The following ZNF44 variants were observed in gnomAD, a reference collection of about 807,000 sequenced individuals.
ZNF44 encodes gonadotropin inducible transcription repressor-2.
In ZNF44, 9 loss-of-function variants were observed where a neutral mutation model predicts 11.7. That is an observed-to-expected ratio of 0.77 (90% CI 0.46 to 1.35). ZNF44 has a LOEUF of 1.35. ZNF44 is among the 40% of genes most tolerant of loss of function. The pLI is 0.00. For synonymous variants in ZNF44, 224 were observed against 242.7 expected (o/e 0.92, Z 0.72); for missense variants, 696 against 743.1 (o/e 0.94, Z 0.74).
chr19:12,275,228 A>G (rs1464321201), intron 2 of ZNF44, among the ~76,000 whole-genome samples, 195 bp from the exon 3 acceptor site: 3 of 152,196 alleles, frequency 2.0e-5, no homozygotes, highest in East Asian at 3.8e-4. Flanking sequence ...TGAGACAGCA[A>G]TATCAACCCC....
chr19:12,276,023 C>T lies in ZNF44; in HGVS notation c.63G>A (p.Leu21=). 6.2e-7 allele frequency: 1 copy of T among 1,609,846 alleles called. No individual in the cohort carries two copies. The highest frequency in any genetic ancestry group is 8.5e-7 in the Non-Finnish European group (1 of 1,177,098). The change falls in exon 2 of 4, where the codon CTG becomes CTA. Residue 21 remains leucine (L), a synonymous_variant. Transcript: ENST00000355684. ...VNFTHEEWAL[L]GPSQKNLYRD... is the part of the protein sequence containing the mutation. ...TGTAGAGATTCTTCTGTGATGGACC[C>T]AGCAAAGCCCACTCCTCATGGGTGA...
At chr19:12,283,739 G>A (rs73004277) in intron 1 of ZNF44, among the ~76,000 whole-genome samples, 4 of 152,082 alleles carry the variant, frequency 2.6e-5, no homozygotes, top group African/African-American at 9.7e-5. Flanking sequence ...GAAGAAGCAG[G>A]CATAGTGACT....
chr19:12,293,247 G>A lies in ZNF44; in HGVS notation c.3+1445C>T, dbSNP rs1329252512. Reference sequence around the variant, plus strand: ...GTGCATCCACCTGATCCTTTGGGAGGCCCCACTCCAACACCTCAGGCTGTC... The same window carrying A: ...GTGCATCCACCTGATCCTTTGGGAGACCCCACTCCAACACCTCAGGCTGTC... On this transcript the variant is annotated intron_variant, in intron 1 of 3. Coordinates refer to ENST00000355684, the MANE Select transcript of ZNF44 (RefSeq NM_016264.4). The A allele has an allele frequency of 2.6e-6, 4 of 1,536,662 alleles. No individual in the cohort carries two copies. In the East Asian group the frequency reaches 7.3e-5, roughly 28 times the overall value.
chr19:12,257,514 G>A (rs965844735), intron 5 of ZNF44, among the ~76,000 whole-genome samples: 3 of 151,900 alleles, frequency 2.0e-5, no homozygotes, highest in African/African-American at 7.3e-5. Context: ...TTGGCCAGGC[G>A]TGGTGGCTCG....
downstream of ZNF44, among the ~76,000 whole-genome samples, chr19:12,267,388 G>GAATA (rs1229966965): frequency 2.0e-5 from 3 of 152,128 alleles, no homozygotes; most frequent in Non-Finnish European, 4.4e-5. Flanking sequence ...ACCAACAAGG[G>GAATA]AATACAGTTA....
chr19:12,271,606 G>A (rs1356664564), downstream of ZNF44, among the ~76,000 whole-genome samples: 2 of 152,330 alleles, frequency 1.3e-5, no homozygotes, highest in East Asian at 3.9e-4. Context: ...GGGTTATCAA[G>A]AGAGAAGAAC....
At chr19:12,232,199 C>A (rs1312699788) in intron 2 of ZNF44, among the ~76,000 whole-genome samples, 2 of 152,244 alleles carry the variant, frequency 1.3e-5, no homozygotes, top group Non-Finnish European at 2.9e-5. Flanking sequence ...GCATGTCCCA[C>A]CTCCAGCCTT....
chr19:12,252,166 C>T lies in ZNF44; in HGVS notation c.1913-1798G>A, dbSNP rs904521431. 3.9e-5 allele frequency among the ~76,000 whole-genome samples: 6 copies of T among 152,126 alleles called. No homozygotes were observed. In the East Asian group the frequency reaches 1.2e-3, roughly 29 times the overall value. On this transcript the variant is annotated intron_variant and NMD_transcript_variant, in intron 5 of 7. Transcript: ENST00000393337. ...ATAAAAGGTTCTCAGCAGAGGTTTC[C>T]TCCAAAAGAACATAAAATGCCCTTT...
intron 5 of ZNF44, among the ~76,000 whole-genome samples, chr19:12,263,924 C>CAA (rs796313617): frequency 9.0e-4 from 95 of 105,324 alleles, no homozygotes; most frequent in African/African-American, 2.1e-3. Context: ...GACTCCGTCT[C>CAA]AAAAAAAAAA....
downstream of ZNF44, among the ~76,000 whole-genome samples, chr19:12,246,751 C>A (rs1292140984): frequency 2.0e-5 from 3 of 151,988 alleles, no homozygotes; most frequent in African/African-American, 7.3e-5. Context: ...CTAAGCCAGG[C>A]AACGCAGCAC....
intron 1 of ZNF44, among the ~76,000 whole-genome samples, chr19:12,292,738 G>A (rs1364710150): frequency 6.6e-6 from 1 of 151,950 alleles, no homozygotes; most frequent in East Asian, 1.9e-4. Flanking sequence ...AGTCCAGAAG[G>A]CAGAAATCAT....
intron 2 of ZNF44, among the ~76,000 whole-genome samples, chr19:12,233,550 C>CAAAAAA (rs58060175): frequency 2.5e-5 from 2 of 80,864 alleles, no homozygotes; most frequent in South Asian, 4.4e-4. Context: ...ACCCATACAT[C>CAAAAAA]AAAAAAAAAA....
At chr19:12,256,719 G>A (rs374828553) in intron 5 of ZNF44, among the ~76,000 whole-genome samples, 5 of 27,678 alleles carry the variant, frequency 1.8e-4, no homozygotes, top group African/African-American at 6.3e-4. Flanking sequence ...TTTTTTTTTT[G>A]AGACGGAGTC....
intron 1 of ZNF44, among the ~76,000 whole-genome samples, chr19:12,288,562 T>C (rs185301602): frequency 1.3e-5 from 2 of 151,348 alleles, no homozygotes; most frequent in African/African-American, 4.9e-5. Context: ...GCCAACATGA[T>C]GAAACCCCAT....
chr19:12,265,751 A>G lies in ZNF44; in HGVS notation c.1912+6736T>C, dbSNP rs146943519. On this transcript the variant is annotated intron_variant and NMD_transcript_variant, in intron 5 of 7. Coordinates refer to the ZNF44 transcript ENST00000393337. ...CCTCTCTCGTAAAATATCCACGAAC[A>G]ACAACAAAATTAAATCTAAAAGACT... Among the ~76,000 whole-genome samples the G allele has an allele frequency of 7.9e-5, 12 of 152,350 alleles. 2 individuals carry two copies. Among genetic ancestry groups the G allele is most frequent in the African/African-American group, 2.9e-4 (12 of 41,586 alleles).
rs778808633 is a variant in ZNF44 at position 12,272,662 on chromosome 19, T to C, written c.1593A>G (p.Pro531=). The part of the protein sequence containing the change: ...THERTHTAEK[P]YECKQCRKAF... ...CTTTCCTGCATTGCTTACATTCATA[T>C]GGCTTCTCTGCCGTGTGAGTCCTTT... The change falls in exon 4 of 4, where the codon CCA becomes CCG. Residue 531 remains proline, a synonymous_variant. Transcript: ENST00000355684. The C allele has an allele frequency of 3.7e-6, 6 of 1,613,726 alleles. No homozygotes were observed. The highest frequency in any genetic ancestry group is 1.7e-5 in the Admixed American group (1 of 59,932).
At chr19:12,255,686 C>G (rs1273347346) in intron 5 of ZNF44, among the ~76,000 whole-genome samples, 1 of 152,112 alleles carries the variant, frequency 6.6e-6, no homozygotes, top group Admixed American at 6.6e-5. Context: ...GCATCAGAAG[C>G]CTGTGGACAA....
Position 12,273,729 on chromosome 19 carries a change from T to C in ZNF44, c.526A>G (p.Lys176Glu). 1 of 1,614,176 alleles carries C rather than the reference T, an allele frequency of 6.2e-7. No homozygotes were observed. The highest frequency in any genetic ancestry group is 8.5e-7 in the Non-Finnish European group (1 of 1,180,002). ...AGGTTTCCAGGAGAACTGAAGGTTT[T>C]TCCACATTCCTTACAATCATAGGGT... ...KKPYDCKECG[K>E]TFSSPGNLRR... Residue 176 changes from lysine to glutamate, a missense_variant, in exon 4 of 4, where the codon AAA (lysine) becomes GAA (glutamate). By Grantham distance (56) the Lys-to-Glu change is moderately conservative (BLOSUM62 1). Transcript: ENST00000355684.
At chr19:12,288,774 G>GTGTATATATATA (rs1555744587) in intron 1 of ZNF44, among the ~76,000 whole-genome samples, 1 of 76,840 alleles carries the variant, frequency 1.3e-5, no homozygotes, top group Non-Finnish European at 2.2e-5. Context: ...AAAAAAAAAT[G>GTGTATATATATA]TATATATATA....
Sources: allele counts gnomAD v4.1 joint callset (sites outside exome capture counted in the v4.1 genomes callset), GRCh38; gene constraint gnomAD v4.1.1; transcripts MANE v1.5; gene names NCBI Gene and HGNC (gene_info 2026-07-23, HGNC 2026-07-21).